Variants in DST observed in about 807,000 individuals in gnomAD.
DST encodes dystonin.
DST carries 253 observed loss-of-function variants against 875.2 expected under a neutral mutation model. The observed-to-expected ratio is 0.29, with a 90% CI of 0.26 to 0.32. The LOEUF is 0.32. Among genes scored for constraint, DST ranks in the 10% least tolerant of loss-of-function variants. The pLI, the probability that DST is intolerant of heterozygous loss-of-function variation, is 1.00. For missense variants in DST, 8,287 were observed against 9,111.6 expected, an observed-to-expected ratio of 0.91 and a Z score of 3.68; for synonymous variants, 3,124 against 3,197.1, an observed-to-expected ratio of 0.98 and a Z score of 0.77.
At position 56,458,899 on chromosome 6, in the gene DST, A is replaced by C; in HGVS notation, c.*106T>G. The C allele has an allele frequency of 7.9e-7, 1 of 1,263,274 alleles. No homozygotes were observed. The highest frequency in any genetic ancestry group is 1.1e-6 in the Non-Finnish European group (1 of 939,402). 78.3% of individuals were successfully genotyped at this position (1,263,274 alleles called of 1,614,324 possible). ...CAAATAAGGCCATCTGCAGAATTTT[A>C]AACTCGCCTCTTGCAATATTTCACA... On this transcript the variant is annotated 3_prime_UTR_variant, in exon 104 of 104. Coordinates refer to ENST00000680361, the MANE Select transcript of DST (RefSeq NM_001374736.1).
intron 4 of DST, among the ~76,000 whole-genome samples, chr6:56,801,701 A>G (rs1430066925): frequency 6.6e-6 from 1 of 152,162 alleles, no homozygotes; most frequent in East Asian, 1.9e-4. Context: ...GTGATAATAT[A>G]AAATGTATTT....
chr6:56,524,415 G>GA (rs899122220), intron 69 of DST, among the ~76,000 whole-genome samples: 2 of 151,570 alleles, frequency 1.3e-5, no homozygotes, highest in African/African-American at 4.8e-5. Context: ...AAGAATTTTA[G>GA]AAAAAAAATG....
At chr6:56,871,776 TAAAAA>T (rs746142378) in intron 3 of DST, 22 of 95,498 alleles carry the variant, frequency 2.3e-4, no homozygotes, top group East Asian at 4.8e-4. Context: ...CAATTAAAAG[TAAAAA>T]AAAAAAAAAA....
intron 58 of DST, among the ~76,000 whole-genome samples, chr6:56,558,126 A>T (rs1348214664): frequency 6.6e-6 from 1 of 152,162 alleles, no homozygotes; most frequent in African/African-American, 2.4e-5. Flanking sequence ...AATAATTCAG[A>T]AAATTCTTTT....
chr6:56,504,178 A>G (rs956483844), intron 77 of DST, 80 bp from the exon 78 acceptor site: 2 of 831,532 alleles, frequency 2.4e-6, no homozygotes, highest in Non-Finnish European at 3.8e-6. Flanking sequence ...ACAGAAAAAT[A>G]CAATCATAAA....
chr6:56,499,040 A>G (rs1324057069), intron 80 of DST, among the ~76,000 whole-genome samples: 2 of 152,188 alleles, frequency 1.3e-5, no homozygotes, highest in African/African-American at 4.8e-5. Flanking sequence ...CTTTTACTGA[A>G]TGAGTATAGC....
At chr6:56,472,807 A>G (rs1327473366) in intron 93 of DST, among the ~76,000 whole-genome samples, 3 of 152,162 alleles carry the variant, frequency 2.0e-5, no homozygotes, top group African/African-American at 7.2e-5. Context: ...CTCAAACCCA[A>G]GTTTACTGCC....
chr6:56,736,500 TGCCTCCAGG>T (rs1347787973), intron 4 of DST, among the ~76,000 whole-genome samples: 1 of 152,216 alleles, frequency 6.6e-6, no homozygotes, highest in Non-Finnish European at 1.5e-5. Context: ...CTCTCCTTTC[TGCCTCCAGG>T]GCTACCTCTT....
intron 50 of DST, among the ~76,000 whole-genome samples, 185 bp from the exon 51 acceptor site, chr6:56,574,072 A>G (rs970460776): frequency 1.6e-4 from 25 of 152,352 alleles, no homozygotes; most frequent in African/African-American, 6.0e-4. Flanking sequence ...GAAAGAAAAG[A>G]GCCCAATGGA....
intron 58 of DST, among the ~76,000 whole-genome samples, chr6:56,557,841 T>A (rs1309270310): frequency 2.6e-5 from 4 of 152,158 alleles, no homozygotes; most frequent in African/African-American, 2.4e-5. Flanking sequence ...AACTATGACT[T>A]ACTAGAACAA....
chr6:56,662,499 G>A (rs983954457), intron 10 of DST, among the ~76,000 whole-genome samples: 6 of 152,200 alleles, frequency 3.9e-5, no homozygotes, highest in Non-Finnish European at 7.3e-5. Context: ...AGTGCCTGCT[G>A]TAGAAATTGC....
In DST at chr6:56,608,284, C is replaced by T; in HGVS notation, c.6344G>A (p.Ser2115Asn). ...AGCATCCAAACCAATGACTTGAGAA[C>T]TTTCTGGAATATAAAGAGCAGCTAT... The part of the protein sequence containing the change: ...QKIAALYIPE[S>N]SQVIGLDAAK... Residue 2115 changes from serine (S) to asparagine (N), a missense_variant, in exon 40 of 104, where the codon AGT becomes AAT. By Grantham distance (46) the Ser-to-Asn change is conservative (BLOSUM62 1). Coordinates refer to ENST00000680361, the MANE Select transcript of DST (RefSeq NM_001374736.1). 6.2e-7 allele frequency: 1 copy of T among 1,613,594 alleles called. No individual in the cohort carries two copies. The highest frequency in any genetic ancestry group is 8.5e-7 in the Non-Finnish European group (1 of 1,179,784).
At position 56,704,309 on chromosome 6, in the gene DST, G is replaced by C. The variant is rs1226031046; in HGVS notation, c.748C>G (p.Leu250Val). 6 of 1,569,680 alleles carry C rather than the reference G, an allele frequency of 3.8e-6. No individual in the cohort carries two copies. Among genetic ancestry groups the C allele is most frequent in the South Asian group, 1.2e-5 (1 of 84,170 alleles). Residue 250 changes from leucine to valine, a missense_variant, in exon 6 of 104, where the codon CTT becomes GTT. Physicochemically the swap from Leu to Val is conservative, Grantham distance 32. This residue lies in a region of DST where 1,160 missense variants were observed against 1,424.3 expected (regional missense o/e 0.81). Transcript: ENST00000680361. ...DLRDGHNLIS[L>V]LEVLSGDTLP... The stretch of plus-strand genomic sequence containing the variant: ...GTATCTCCTGAAAGAACCTCTAAAA[G>C]AGAAATCAAATTGTGTCCATCCCTT...
At chr6:56,831,908 A>G (rs930117846) in intron 4 of DST, among the ~76,000 whole-genome samples, 3 of 152,166 alleles carry the variant, frequency 2.0e-5, no homozygotes, top group Non-Finnish European at 2.9e-5. Context: ...AAGGTTGGGA[A>G]CAATGCTGCT....
At chr6:56,483,527 C>CTTTTTTTTTTTTTTTTTTTTTTTTTTTT in intron 88 of DST, 1 of 60,042 alleles carries the variant, frequency 1.7e-5, no homozygotes, top group East Asian at 9.5e-4. Context: ...TCTGGGTTTG[C>CTTTTTTTTTTTTTTTTTTTTTTTTTTTT]TTTTTTTTTT....
At chr6:56,822,836 T>C (rs1290700305) in intron 4 of DST, among the ~76,000 whole-genome samples, 2 of 147,872 alleles carry the variant, frequency 1.4e-5, no homozygotes, top group South Asian at 2.1e-4. Flanking sequence ...TATTTATTTA[T>C]TTTTTTTTTG....
At chr6:56,948,555 A>C (rs1025293598) in intron 2 of DST, among the ~76,000 whole-genome samples, 4 of 152,126 alleles carry the variant, frequency 2.6e-5, no homozygotes, top group African/African-American at 9.7e-5. Context: ...TGAATCCTTT[A>C]TTTCTGTAAT....
intron 5 of DST, among the ~76,000 whole-genome samples, chr6:56,711,793 T>G (rs777322954): frequency 3.3e-5 from 5 of 152,104 alleles, no homozygotes; most frequent in Non-Finnish European, 7.4e-5. Flanking sequence ...TGCAATCTTT[T>G]AAAAATAGGA....
chr6:56,617,044 C>T lies in DST; in HGVS notation c.4930-2560G>A, dbSNP rs1007978715. 1 of 1,613,976 alleles carries T rather than the reference C, an allele frequency of 6.2e-7. No individual in the cohort carries two copies. Among genetic ancestry groups the T allele is most frequent in the Non-Finnish European group, 8.5e-7 (1 of 1,179,922 alleles). ...TTTCTTTTGTAGATTCTAGGTAAAGCCCTGCAATTGAGGTGGCTTTCGTCA... is the reference window on the plus strand; with the variant it reads ...TTTCTTTTGTAGATTCTAGGTAAAGTCCTGCAATTGAGGTGGCTTTCGTCA... On this transcript the variant is annotated intron_variant, in intron 36 of 103. Transcript: ENST00000680361.
Sources: allele counts gnomAD v4.1 joint callset (sites outside exome capture counted in the v4.1 genomes callset), GRCh38; gene constraint gnomAD v4.1.1; regional missense constraint gnomAD v4.1.1; transcripts MANE v1.5; gene names NCBI Gene and HGNC (gene_info 2026-07-23, HGNC 2026-07-21).